NUMB: variants seen among roughly 807,000 people sequenced by gnomAD.
The protein encoded by NUMB is protein numb homolog.
A neutral mutation model predicts 59.7 loss-of-function variants in NUMB; 29 were observed. That is an observed-to-expected ratio of 0.49 (90% CI 0.36 to 0.66). The LOEUF is 0.66. Ranked by LOEUF, NUMB falls within the 30% of genes least tolerant of loss-of-function variation. NUMB has a pLI of 0.00. For synonymous variants in NUMB, 288 were observed against 288.2 expected (o/e 1.00, Z 0.01); for missense variants, 723 against 822.0 (o/e 0.88, Z 1.47).
chr14:73,442,419 A>C (rs1883130451), intron 1 of NUMB, among the ~76,000 whole-genome samples: 1 of 152,096 alleles, frequency 6.6e-6, no homozygotes, highest in African/African-American at 2.4e-5. Flanking sequence ...TAAAAGGAAA[A>C]AAGAAATGAA....
chr14:73,296,942 C>T (rs941686852), intron 7 of NUMB, among the ~76,000 whole-genome samples: 1 of 151,666 alleles, frequency 6.6e-6, no homozygotes, highest in Non-Finnish European at 1.5e-5. Context: ...CCGAGGTGGG[C>T]GGATCACCTG....
chr14:73,347,723 G>C (rs972116108), intron 4 of NUMB, among the ~76,000 whole-genome samples: 10 of 151,988 alleles, frequency 6.6e-5, no homozygotes, highest in African/African-American at 1.5e-4. Context: ...GTTTCCCTTC[G>C]ATCTCTTTGG....
rs373251214 is a variant in NUMB at position 73,427,955 on chromosome 14, T to C, written c.-232-17887A>G. Among the ~76,000 whole-genome samples, 10 of 152,262 alleles carry C rather than the reference T, an allele frequency of 6.6e-5. No homozygotes were observed. The South Asian group carries it at 1.2e-3, about 19-fold the overall frequency. On this transcript the variant is annotated intron_variant, in intron 1 of 12. Coordinates refer to ENST00000555238, the MANE Select transcript of NUMB (RefSeq NM_001005743.2). ...CTTGAAAAGTACAAAAATAAGCAAC[T>C]AGATTTACCAGTTAAAGAAAAGTGT...
chr14:73,286,879 A>C, intron 9 of NUMB: 1 of 536,274 alleles, frequency 1.9e-6, no homozygotes, highest in Middle Eastern at 5.1e-4. Context: ...AGCTTCTTCA[A>C]CTGCACTCTG....
intron 2 of NUMB, among the ~76,000 whole-genome samples, chr14:73,393,648 C>G (rs112863884): frequency 1.7e-3 from 255 of 152,322 alleles, no homozygotes; most frequent in African/African-American, 6.0e-3. Flanking sequence ...TCAAAAAACA[C>G]TAGGTGTCAA....
intron 8 of NUMB, among the ~76,000 whole-genome samples, chr14:73,288,600 CT>C (rs1889175830): frequency 6.7e-6 from 1 of 149,500 alleles, no homozygotes; most frequent in Non-Finnish European, 1.5e-5. Flanking sequence ...TGGCTCATGC[CT>C]ATAATCCCAG....
intron 5 of NUMB, among the ~76,000 whole-genome samples, chr14:73,316,862 T>C (rs1414907359): frequency 2.0e-5 from 3 of 152,226 alleles, no homozygotes; most frequent in Admixed American, 2.0e-4. Flanking sequence ...CGGTCAACTA[T>C]GTGAAAGTCA....
intron 4 of NUMB, among the ~76,000 whole-genome samples, chr14:73,334,109 T>C (rs1892153670): frequency 6.6e-6 from 1 of 151,910 alleles, no homozygotes; most frequent in Non-Finnish European, 1.5e-5. Context: ...TGGAGTATAA[T>C]GGCACAATCT....
At chr14:73,432,953 C>T (rs1048068091) in intron 1 of NUMB, among the ~76,000 whole-genome samples, 1 of 152,148 alleles carries the variant, frequency 6.6e-6, no homozygotes, top group Non-Finnish European at 1.5e-5. Context: ...GCCTGTAATC[C>T]CAGCACTTTG....
At chr14:73,371,570 T>C (rs1180922372) in intron 2 of NUMB, among the ~76,000 whole-genome samples, 1 of 152,130 alleles carries the variant, frequency 6.6e-6, no homozygotes, top group East Asian at 1.9e-4. Flanking sequence ...ACAGTCCATA[T>C]TGAAATATGT....
At chr14:73,318,916 AAG>A (rs1362137251) in intron 5 of NUMB, among the ~76,000 whole-genome samples, 1 of 152,236 alleles carries the variant, frequency 6.6e-6, no homozygotes, top group African/African-American at 2.4e-5. Flanking sequence ...TCTAAATTGT[AAG>A]AGAGTATTTT....
intron 4 of NUMB, among the ~76,000 whole-genome samples, chr14:73,343,690 GAGTGAAGGT>G (rs1892758141): frequency 1.3e-5 from 2 of 151,612 alleles, no homozygotes; most frequent in African/African-American, 4.9e-5. Context: ...TGATACTAAT[GAGTGAAGGT>G]ACATACTCTT....
In NUMB at chr14:73,455,519, C is replaced by T. The variant is rs145648939; in HGVS notation, c.-233+2974G>A. Among the ~76,000 whole-genome samples the T allele has an allele frequency of 4.9e-3, 740 of 152,306 alleles. 10 individuals are homozygous for T. Among genetic ancestry groups the T allele is most frequent in the African/African-American group, 0.017 (686 of 41,574 alleles). The stretch of plus-strand genomic sequence containing the variant: ...ATTCTCAAGGGAGAAAACCATTAAA[C>T]AAAAGCTCCCTCTTAATAAATGATT... On this transcript the variant is annotated intron_variant, in intron 1 of 12. Coordinates refer to ENST00000555238, the MANE Select transcript of NUMB (RefSeq NM_001005743.2).
intron 3 of NUMB, among the ~76,000 whole-genome samples, chr14:73,359,714 G>A (rs548855682): frequency 2.0e-5 from 3 of 152,192 alleles, no homozygotes; most frequent in East Asian, 3.9e-4. Flanking sequence ...AATGGGGTAG[G>A]AGAGAGAAAA....
chr14:73,280,252 G>A (rs545817121), intron 11 of NUMB, among the ~76,000 whole-genome samples: 1 of 152,204 alleles, frequency 6.6e-6, no homozygotes, highest in Admixed American at 6.5e-5. Flanking sequence ...TATTTTACAT[G>A]CATCATTTCA....
At chr14:73,369,518 G>A (rs758090361) in intron 2 of NUMB, among the ~76,000 whole-genome samples, 1 of 152,022 alleles carries the variant, frequency 6.6e-6, no homozygotes, top group Non-Finnish European at 1.5e-5. Context: ...AGTATAACTG[G>A]ACACAAAAAT....
chr14:73,379,760 A>T (rs1469432866), intron 2 of NUMB, among the ~76,000 whole-genome samples: 1 of 152,196 alleles, frequency 6.6e-6, no homozygotes, highest in Non-Finnish European at 1.5e-5. Context: ...TGGAAGTTGC[A>T]GTGTTAGAGG....
chr14:73,390,533 T>C (rs959259617), intron 2 of NUMB, among the ~76,000 whole-genome samples: 1 of 151,134 alleles, frequency 6.6e-6, no homozygotes, highest in Non-Finnish European at 1.5e-5. Flanking sequence ...AGTCAGATGT[T>C]CCCCCCACTG....
chr14:73,352,459 T>TACACACACACAC (rs60134093), intron 4 of NUMB, among the ~76,000 whole-genome samples: 2 of 19,496 alleles, frequency 1.0e-4, no homozygotes, highest in Non-Finnish European at 1.7e-4. Context: ...CACACACACA[T>TACACACACACAC]ACACACACAC....
Sources: gnomAD v4.1 joint callset for allele counts (sites outside exome capture counted in the v4.1 genomes callset) on GRCh38, gnomAD v4.1.1 for gene constraint, MANE v1.5 for transcripts, NCBI Gene and HGNC (gene_info 2026-07-23, HGNC 2026-07-21) for gene names.